NBEA: variants seen among roughly 807,000 people sequenced by gnomAD.
The protein encoded by NBEA is lysosomal-trafficking regulator 2.
Under a neutral mutation model 343.4 loss-of-function variants are expected in NBEA, and 44 were observed. The observed-to-expected ratio is 0.13, with a 90% CI of 0.10 to 0.16. NBEA has a LOEUF of 0.16. Ranked by LOEUF, NBEA falls within the 10% of genes least tolerant of loss-of-function variation. The pLI is 1.00. For synonymous variants in NBEA, 1,175 were observed against 1,238.7 expected, an observed-to-expected ratio of 0.95 and a Z score of 1.08; for missense variants, 2,555 against 3,631.3, an observed-to-expected ratio of 0.70 and a Z score of 7.62.
intron 1 of NBEA, among the ~76,000 whole-genome samples, chr13:35,013,524 G>A (rs1228397565): frequency 6.6e-6 from 1 of 150,882 alleles, no homozygotes; most frequent in Non-Finnish European, 1.5e-5. Context: ...AGGCTGGAGT[G>A]CAGTGGTACA....
At chr13:35,382,636 A>G (rs2042070113) in intron 38 of NBEA, among the ~76,000 whole-genome samples, 2 of 152,170 alleles carry the variant, frequency 1.3e-5, no homozygotes, top group Admixed American at 6.5e-5. Flanking sequence ...ACATAAGCCT[A>G]TATGCACAGT....
At chr13:35,095,733 T>C (rs2065299338) in intron 10 of NBEA, among the ~76,000 whole-genome samples, 1 of 151,962 alleles carries the variant, frequency 6.6e-6, no homozygotes, top group African/African-American at 2.4e-5. Context: ...AGCAATTATA[T>C]ATCATGACAT....
At chr13:35,162,527 A>ACTCTTCTTCCTTC (rs1305505942) in intron 23 of NBEA, among the ~76,000 whole-genome samples, 1 of 151,824 alleles carries the variant, frequency 6.6e-6, no homozygotes, top group Non-Finnish European at 1.5e-5. Context: ...GGCAGAGATG[A>ACTCTTCTTCCTTC]CTCTTCTTCC....
chr13:35,123,226 G>A (rs939889210), intron 16 of NBEA, among the ~76,000 whole-genome samples: 1 of 152,154 alleles, frequency 6.6e-6, no homozygotes, highest in African/African-American at 2.4e-5. Flanking sequence ...GCCTAACTAA[G>A]CATGTGTTAG....
At chr13:34,955,217 C>T (rs761738056) in intron 1 of NBEA, among the ~76,000 whole-genome samples, 36 of 151,542 alleles carry the variant, frequency 2.4e-4, no homozygotes, top group African/African-American at 7.0e-4. Flanking sequence ...TGGAAACTTC[C>T]GTTTTTACTC....
intron 40 of NBEA, among the ~76,000 whole-genome samples, chr13:35,471,812 G>A (rs1426178571): frequency 1.3e-5 from 2 of 152,160 alleles, no homozygotes; most frequent in Non-Finnish European, 2.9e-5. Context: ...TTCTACGTAA[G>A]AACTTTATGT....
intron 48 of NBEA, among the ~76,000 whole-genome samples, chr13:35,627,621 G>A (rs931445998): frequency 8.5e-5 from 13 of 152,054 alleles, no homozygotes; most frequent in African/African-American, 3.1e-4. Flanking sequence ...TCAGAGGTAA[G>A]CTGGAGGACT....
chr13:35,529,709 T>C (rs927908598), intron 41 of NBEA, among the ~76,000 whole-genome samples: 1 of 152,222 alleles, frequency 6.6e-6, no homozygotes, highest in African/African-American at 2.4e-5. Flanking sequence ...TTTCACTCTT[T>C]AGTCCCTCGT....
chr13:35,634,995 T>C (rs2153069530), intron 49 of NBEA, among the ~76,000 whole-genome samples: 1 of 148,768 alleles, frequency 6.7e-6, no homozygotes, highest in Middle Eastern at 3.5e-3. Flanking sequence ...AACCAGAAGA[T>C]AGATGTGTCT....
At chr13:35,380,225 ACC>A (rs1426077923) in intron 38 of NBEA, among the ~76,000 whole-genome samples, 5 of 18,718 alleles carry the variant, frequency 2.7e-4, no homozygotes, top group Non-Finnish European at 1.9e-3. Context: ...CAGGTGAATC[ACC>A]TGAGGTCAGG....
chr13:35,319,057 G>C (rs2037950836), intron 36 of NBEA, among the ~76,000 whole-genome samples: 1 of 152,024 alleles, frequency 6.6e-6, no homozygotes, highest in Non-Finnish European at 1.5e-5. Context: ...ACCAGCTCCT[G>C]GATTCATTGA....
intron 38 of NBEA, among the ~76,000 whole-genome samples, chr13:35,390,582 CA>C (rs1016521168): frequency 4.6e-5 from 7 of 152,098 alleles, no homozygotes; most frequent in Non-Finnish European, 1.0e-4. Context: ...TTCATCCAAA[CA>C]GATTCTTGTG....
chr13:34,987,943 C>T (rs1487430092), intron 1 of NBEA, among the ~76,000 whole-genome samples: 1 of 150,762 alleles, frequency 6.6e-6, no homozygotes, highest in Non-Finnish European at 1.5e-5. Context: ...TTTGAACATC[C>T]TCCTTTAGCT....
At chr13:35,284,443 CA>C (rs1443086708) in intron 34 of NBEA, among the ~76,000 whole-genome samples, 1 of 151,628 alleles carries the variant, frequency 6.6e-6, no homozygotes, top group South Asian at 2.1e-4. Context: ...CTTTTTTAGT[CA>C]AAAAAATGAA....
At chr13:34,983,417 C>G (rs1278211100) in intron 1 of NBEA, among the ~76,000 whole-genome samples, 1 of 152,144 alleles carries the variant, frequency 6.6e-6, no homozygotes. Flanking sequence ...TTAATCCAGT[C>G]TATCATTGAT....
intron 18 of NBEA, among the ~76,000 whole-genome samples, chr13:35,143,153 A>G (rs1732298313): frequency 6.6e-6 from 1 of 152,188 alleles, no homozygotes; most frequent in African/African-American, 2.4e-5. Context: ...AGAATAATAT[A>G]TGAGTTGTAA....
chr13:35,123,658 A>G lies in NBEA; in HGVS notation c.2336+84A>G. The G allele has an allele frequency of 3.7e-6, 3 of 803,622 alleles. No homozygotes were observed. In the Admixed American group the frequency reaches 1.2e-4, roughly 32 times the overall value. 49.8% of individuals were successfully genotyped at this position (803,622 alleles called of 1,614,324 possible). ...GAGTTTTCTATGTAATGTAGCATGA[A>G]ATTTGACTTGAAAAATCTAACAGCG... On this transcript the variant is annotated intron_variant, in intron 17 of 58. Transcript: ENST00000379939.
At chr13:35,517,261 CT>C (rs2077521313) in intron 41 of NBEA, among the ~76,000 whole-genome samples, 1 of 152,088 alleles carries the variant, frequency 6.6e-6, no homozygotes, top group African/African-American at 2.4e-5. Flanking sequence ...AAGGTATGTC[CT>C]TTCAGTCACC....
At chr13:35,576,918 G>T (rs1447805017) in intron 45 of NBEA, among the ~76,000 whole-genome samples, 1 of 152,054 alleles carries the variant, frequency 6.6e-6, no homozygotes, top group East Asian at 1.9e-4. Context: ...TACGACTTTT[G>T]ATTACATATA....
Sources: allele counts gnomAD v4.1 joint callset (sites outside exome capture counted in the v4.1 genomes callset), GRCh38; gene constraint gnomAD v4.1.1; transcripts MANE v1.5; gene names NCBI Gene and HGNC (gene_info 2026-07-23, HGNC 2026-07-21).